CALCR: variants seen among roughly 807,000 people sequenced by gnomAD.
The protein encoded by CALCR is calcitonin receptor.
A neutral mutation model predicts 59.5 loss-of-function variants in CALCR; 47 were observed. The ratio of observed to expected loss-of-function variants is 0.79; its 90% CI spans 0.63 to 1.01. The LOEUF is 1.01. Among genes scored for constraint, CALCR ranks in the 50% least tolerant of loss-of-function variants. The pLI is 0.00. For missense variants in CALCR, 566 were observed against 597.1 expected, an observed-to-expected ratio of 0.95 and a Z score of 0.54; for synonymous variants, 213 against 211.3, an observed-to-expected ratio of 1.01 and a Z score of -0.07.
intron 2 of CALCR, among the ~76,000 whole-genome samples, chr7:93,529,216 T>C (rs1788763573): frequency 6.6e-6 from 1 of 150,656 alleles, no homozygotes. Flanking sequence ...GCACTATCCT[T>C]TCGGTGCTGT....
chr7:93,469,772 TCTTAAGTTC>T (rs1800515419), intron 6 of CALCR, among the ~76,000 whole-genome samples: 1 of 151,816 alleles, frequency 6.6e-6, no homozygotes, highest in Admixed American at 6.6e-5. Flanking sequence ...TGGCTTTTGG[TCTTAAGTTC>T]CTTCAACAGT....
rs529230947 is a variant in CALCR at position 93,485,618 on chromosome 7, A to G, written c.51+1313T>C. Among the ~76,000 whole-genome samples the G allele has an allele frequency of 2.0e-5, 3 of 151,680 alleles. No individual in the cohort carries two copies. The South Asian group carries it at 6.2e-4, about 31-fold the overall frequency. On this transcript the variant is annotated intron_variant, in intron 3 of 13. Transcript: ENST00000426151. ...AACAATATCAATAATATATAGCAAT[A>G]TTTTTACATCCATAGAAGACCACAT...
chr7:93,507,175 C>T (rs1004100643), intron 2 of CALCR, among the ~76,000 whole-genome samples: 5 of 151,910 alleles, frequency 3.3e-5, no homozygotes, highest in Non-Finnish European at 4.4e-5. Flanking sequence ...AATTTAGGGT[C>T]AGTGAAGAGT....
chr7:93,436,467 G>T (rs1387928543), intron 11 of CALCR, among the ~76,000 whole-genome samples: 1 of 152,074 alleles, frequency 6.6e-6, no homozygotes, highest in African/African-American at 2.4e-5. Context: ...GTGGTGGAGG[G>T]GTGTAGTATT....
At chr7:93,457,662 A>G (rs1800236058) in intron 8 of CALCR, among the ~76,000 whole-genome samples, 1 of 152,190 alleles carries the variant, frequency 6.6e-6, no homozygotes, top group South Asian at 2.1e-4. Context: ...TCTACTCTTA[A>G]TGGGAAATGG....
intron 2 of CALCR, among the ~76,000 whole-genome samples, chr7:93,525,947 C>T (rs1041416160): frequency 5.3e-5 from 8 of 152,096 alleles, no homozygotes. Flanking sequence ...TGCTATTAAC[C>T]TTTTTGCTTT....
chr7:93,506,873 A>C (rs1357921739), intron 2 of CALCR, among the ~76,000 whole-genome samples: 1 of 152,166 alleles, frequency 6.6e-6, no homozygotes, highest in Non-Finnish European at 1.5e-5. Flanking sequence ...TGAATCATGC[A>C]GGTGGGTTTT....
At chr7:93,491,221 T>G (rs1024561950) in intron 2 of CALCR, among the ~76,000 whole-genome samples, 1 of 152,076 alleles carries the variant, frequency 6.6e-6, no homozygotes, top group African/African-American at 2.4e-5. Context: ...AAACTAAAAA[T>G]GGACCTCTTC....
chr7:93,479,972 T>C (rs1238372786), intron 3 of CALCR, among the ~76,000 whole-genome samples: 1 of 151,932 alleles, frequency 6.6e-6, no homozygotes, highest in Non-Finnish European at 1.5e-5. Context: ...TTATTGGTGC[T>C]GTGTACACTG....
chr7:93,556,921 T>C (rs187051328), intron 2 of CALCR, among the ~76,000 whole-genome samples: 2 of 152,122 alleles, frequency 1.3e-5, no homozygotes, highest in East Asian at 3.9e-4. Flanking sequence ...AGAAAATATG[T>C]AGAAATGCTG....
chr7:93,519,277 T>C (rs1486887575), intron 2 of CALCR, among the ~76,000 whole-genome samples: 1 of 152,074 alleles, frequency 6.6e-6, no homozygotes, highest in Non-Finnish European at 1.5e-5. Context: ...TTAACATAAC[T>C]TAAATGAAAA....
At chr7:93,545,556 G>A (rs1401759851) in intron 2 of CALCR, among the ~76,000 whole-genome samples, 2 of 152,068 alleles carry the variant, frequency 1.3e-5, no homozygotes, top group East Asian at 3.9e-4. Flanking sequence ...CCATTTTTGG[G>A]GCAGCTGATG....
chr7:93,502,298 A>T (rs1235853186), intron 2 of CALCR, among the ~76,000 whole-genome samples: 1 of 152,126 alleles, frequency 6.6e-6, no homozygotes, highest in East Asian at 1.9e-4. Context: ...AAGTTAAGTA[A>T]CTTGATTAAG....
rs184639011 is a variant in CALCR, at chr7:93,448,737, G to T, written c.649-4980C>A. On this transcript the variant is annotated intron_variant, in intron 8 of 13. Transcript: ENST00000426151. ...ATATTAAATAATCTACCCAGTTTGT[G>T]TGAAAATTTATAAGGAACAGATTAG... Among the ~76,000 whole-genome samples the T allele has an allele frequency of 5.5e-3, 838 of 152,066 alleles. 8 individuals carry two copies. The highest frequency in any genetic ancestry group is 0.02 in the African/African-American group (813 of 41,532).
intron 3 of CALCR, among the ~76,000 whole-genome samples, chr7:93,480,955 T>A (rs1800782896): frequency 6.6e-6 from 1 of 151,820 alleles, no homozygotes; most frequent in African/African-American, 2.4e-5. Flanking sequence ...AGGTCAGGAC[T>A]TTGCTTTCAA....
In CALCR at chr7:93,426,033, G is replaced by A. The variant is rs1205596095; in HGVS notation, c.*323C>T. 4.7e-6 allele frequency: 1 copy of A among 211,602 alleles called. No individual in the cohort carries two copies. The highest frequency in any genetic ancestry group is 9.3e-6 in the Non-Finnish European group (1 of 107,808). The allele number at this position is 211,602 out of a possible 1,614,324, so 13.1% of individuals were successfully genotyped here. ...TCAAAGGTATAAATGGCTCAGTATT[G>A]ACAAGGAGCACCCTGTATCTGAACT... On this transcript the variant is annotated 3_prime_UTR_variant, in exon 14 of 14. Transcript: ENST00000426151.
intron 2 of CALCR, among the ~76,000 whole-genome samples, chr7:93,497,004 T>C (rs1418602621): frequency 6.6e-6 from 1 of 151,520 alleles, no homozygotes; most frequent in East Asian, 2.0e-4. Flanking sequence ...AAACCCAATT[T>C]ATGTTGCCAC....
At chr7:93,494,218 G>T (rs990520028) in intron 2 of CALCR, among the ~76,000 whole-genome samples, 1 of 151,340 alleles carries the variant, frequency 6.6e-6, no homozygotes, top group Non-Finnish European at 1.5e-5. Context: ...ATAGTACATG[G>T]TACCATCCAT....
At chr7:93,451,427 A>G (rs1238928870) in intron 8 of CALCR, among the ~76,000 whole-genome samples, 3 of 152,050 alleles carry the variant, frequency 2.0e-5, no homozygotes, top group African/African-American at 7.2e-5. Flanking sequence ...GGGTTCATTT[A>G]AAAGCATGTC....
Sources: gnomAD v4.1 joint callset for allele counts (sites outside exome capture counted in the v4.1 genomes callset) on GRCh38, gnomAD v4.1.1 for gene constraint, MANE v1.5 for transcripts, NCBI Gene and HGNC (gene_info 2026-07-23, HGNC 2026-07-21) for gene names.